CCSER1: variants seen among roughly 807,000 people sequenced by gnomAD.
The protein encoded by CCSER1 is coiled-coil serine rich protein 1.
A neutral mutation model predicts 82.0 loss-of-function variants in CCSER1; 41 were observed. The observed-to-expected ratio is 0.50, with a 90% CI of 0.39 to 0.65. The LOEUF (loss-of-function observed/expected upper bound fraction) is 0.65. Ranked by LOEUF, CCSER1 falls within the 30% of genes least tolerant of loss-of-function variation. CCSER1 has a pLI of 0.00. For missense variants in CCSER1, 1,119 were observed against 1,064.2 expected (o/e 1.05, Z -0.72); for synonymous variants, 414 against 383.9 (o/e 1.08, Z -0.92).
At chr4:90,542,580 G>T (rs1219963711) in intron 5 of CCSER1, among the ~76,000 whole-genome samples, 1 of 152,006 alleles carries the variant, frequency 6.6e-6, no homozygotes, top group Non-Finnish European at 1.5e-5. Context: ...AATCAAACCT[G>T]AGCTGAATTG....
chr4:90,776,577 T>C (rs186812080), intron 7 of CCSER1, among the ~76,000 whole-genome samples: 1 of 152,310 alleles, frequency 6.6e-6, no homozygotes, highest in Non-Finnish European at 1.5e-5. Flanking sequence ...GAAACATGAC[T>C]TATCATCATA....
intron 1 of CCSER1, among the ~76,000 whole-genome samples, chr4:90,263,153 G>T (rs920890832): frequency 1.3e-5 from 2 of 152,288 alleles, no homozygotes; most frequent in Admixed American, 1.3e-4. Context: ...AAAGATCTGG[G>T]ACTCAAGTCC....
intron 9 of CCSER1, among the ~76,000 whole-genome samples, chr4:91,016,326 G>A (rs951756525): frequency 1.3e-5 from 2 of 151,156 alleles, no homozygotes; most frequent in South Asian, 2.1e-4. Context: ...TGAATGTATC[G>A]GCAGAATAAA....
At chr4:90,932,994 A>AAGAAAGAAAGAAAG (rs1561385355) in intron 9 of CCSER1, among the ~76,000 whole-genome samples, 4 of 60,406 alleles carry the variant, frequency 6.6e-5, no homozygotes, top group Non-Finnish European at 5.9e-5. Flanking sequence ...GAAAGAAAGA[A>AAGAAAGAAAGAAAG]AGAAAGAAAG....
intron 7 of CCSER1, among the ~76,000 whole-genome samples, chr4:90,745,678 C>CTTTTTTTTTTTTTT (rs537380046): frequency 5.5e-5 from 4 of 72,236 alleles, no homozygotes; most frequent in Non-Finnish European, 4.9e-5. Flanking sequence ...TTTCTTTTAT[C>CTTTTTTTTTTTTTT]TTTTTTTTTT....
At chr4:90,606,011 TATA>T (rs1784659154) in intron 5 of CCSER1, among the ~76,000 whole-genome samples, 2 of 152,234 alleles carry the variant, frequency 1.3e-5, no homozygotes, top group African/African-American at 4.8e-5. Flanking sequence ...TATTTTTCAT[TATA>T]ATATATAAAG....
chr4:90,817,841 C>T (rs139529317), intron 8 of CCSER1, among the ~76,000 whole-genome samples: 1 of 152,178 alleles, frequency 6.6e-6, no homozygotes, highest in East Asian at 1.9e-4. Flanking sequence ...AAATTTTGGT[C>T]CTCCTATTTC....
In CCSER1 at chr4:91,131,331, C is replaced by CTTT. The variant is rs34209878; in HGVS notation, c.2217+45350_2217+45352dup. Among the ~76,000 whole-genome samples, 703 of 137,752 alleles carry CTTT rather than the reference C, an allele frequency of 5.1e-3. 1 individual carries two copies. Among genetic ancestry groups the CTTT allele is most frequent in the Middle Eastern group, 0.012 (3 of 256 alleles). 90.4% of individuals were successfully genotyped at this position (137,752 alleles called of 152,430 possible). On this transcript the variant is annotated intron_variant, in intron 10 of 10. Transcript: ENST00000509176. ...CTTTAATCTAGAACAGTTCTCCCCT[C>CTTT]TTTTTTTTTTTTTTTGATTCTATGA... is the stretch of plus-strand genomic sequence containing the variant.
At chr4:90,446,014 C>T (rs190465069) in intron 4 of CCSER1, among the ~76,000 whole-genome samples, 1 of 152,224 alleles carries the variant, frequency 6.6e-6, no homozygotes, top group East Asian at 1.9e-4. Flanking sequence ...AATATCTTGG[C>T]CCTATTAGCC....
At chr4:90,193,893 C>G (rs1423846789) in intron 1 of CCSER1, among the ~76,000 whole-genome samples, 3 of 151,960 alleles carry the variant, frequency 2.0e-5, no homozygotes. Flanking sequence ...ATTTTGAAAT[C>G]GGGGACTTTG....
chr4:91,283,693 G>C (rs184988035), intron 10 of CCSER1, among the ~76,000 whole-genome samples: 3 of 152,000 alleles, frequency 2.0e-5, no homozygotes, highest in Admixed American at 2.0e-4. Context: ...TTTGATAAAA[G>C]CAGCCTCTTA....
chr4:90,485,217 G>A (rs1021690088), intron 5 of CCSER1, among the ~76,000 whole-genome samples: 7 of 152,194 alleles, frequency 4.6e-5, no homozygotes, highest in Admixed American at 6.5e-5. Flanking sequence ...TGTTAAGCCC[G>A]TTGGAAGAGC....
At chr4:91,260,819 G>C (rs1741061326) in intron 10 of CCSER1, among the ~76,000 whole-genome samples, 1 of 151,940 alleles carries the variant, frequency 6.6e-6, no homozygotes, top group Non-Finnish European at 1.5e-5. Flanking sequence ...AGCGTGCAAT[G>C]GCGCGATCTC....
chr4:91,377,259 A>T (rs923973813), intron 10 of CCSER1, among the ~76,000 whole-genome samples: 2 of 152,202 alleles, frequency 1.3e-5, no homozygotes, highest in Admixed American at 6.5e-5. Context: ...CTTTGGGTAT[A>T]TACCCAGTAA....
At chr4:91,351,219 T>G (rs1227250744) in intron 10 of CCSER1, among the ~76,000 whole-genome samples, 3 of 152,154 alleles carry the variant, frequency 2.0e-5, no homozygotes, top group South Asian at 2.1e-4. Context: ...TAAAGCTATT[T>G]TATAAATACA....
intron 8 of CCSER1, among the ~76,000 whole-genome samples, chr4:90,896,248 T>C (rs2150130808): frequency 6.6e-6 from 1 of 152,098 alleles, no homozygotes; most frequent in Middle Eastern, 3.4e-3. Context: ...AGTTTGTTTA[T>C]TCTATGCTGA....
intron 10 of CCSER1, among the ~76,000 whole-genome samples, chr4:91,492,468 C>T (rs1758600184): frequency 6.6e-6 from 1 of 152,056 alleles, no homozygotes; most frequent in Admixed American, 6.6e-5. Flanking sequence ...CAGGACAATT[C>T]CAGGTCTCTG....
chr4:90,852,388 C>T (rs904350028), intron 8 of CCSER1, among the ~76,000 whole-genome samples: 1 of 152,168 alleles, frequency 6.6e-6, no homozygotes, highest in Admixed American at 6.5e-5. Flanking sequence ...TTGGAAGGGA[C>T]ACTCTTCTAC....
chr4:90,298,957 T>C (rs1471808893), intron 1 of CCSER1, among the ~76,000 whole-genome samples: 1 of 152,106 alleles, frequency 6.6e-6, no homozygotes, highest in Non-Finnish European at 1.5e-5. Context: ...ACTAACTTCT[T>C]TCTAAATCTG....
Sources: gnomAD v4.1 joint callset for allele counts (sites outside exome capture counted in the v4.1 genomes callset) on GRCh38, gnomAD v4.1.1 for gene constraint, MANE v1.5 for transcripts, NCBI Gene and HGNC (gene_info 2026-07-23, HGNC 2026-07-21) for gene names.